Variants in TEAD1 observed in about 807,000 individuals in gnomAD.
TEAD1 encodes the protein transcriptional enhancer factor TEF-1.
A neutral mutation model predicts 54.9 loss-of-function variants in TEAD1; 9 were observed. That is an observed-to-expected ratio of 0.16 (90% CI 0.10 to 0.29). TEAD1 has a LOEUF of 0.29. TEAD1 is among the 10% of genes least tolerant of loss of function. The pLI is 1.00. For missense variants in TEAD1, 387 were observed against 535.9 expected (o/e 0.72, Z 2.74); for synonymous variants, 200 against 187.8 (o/e 1.07, Z -0.53).
At chr11:12,839,775 G>T (rs1230855454) in intron 3 of TEAD1, among the ~76,000 whole-genome samples, 1 of 152,124 alleles carries the variant, frequency 6.6e-6, no homozygotes, top group Non-Finnish European at 1.5e-5. Context: ...AAATTTGCAG[G>T]CAGCAACAAG....
At chr11:12,689,956 G>T (rs1347690676) in intron 2 of TEAD1, among the ~76,000 whole-genome samples, 1 of 151,916 alleles carries the variant, frequency 6.6e-6, no homozygotes, top group Non-Finnish European at 1.5e-5. Context: ...ACTCCTTAAT[G>T]TTGGCCGGGC....
chr11:12,725,000 A>G (rs1944286292), intron 2 of TEAD1, among the ~76,000 whole-genome samples: 1 of 152,086 alleles, frequency 6.6e-6, no homozygotes, highest in South Asian at 2.1e-4. Flanking sequence ...GGGAGTACAC[A>G]TGGGATTCCT....
intron 2 of TEAD1, among the ~76,000 whole-genome samples, chr11:12,743,099 G>T (rs994183907): frequency 6.6e-6 from 1 of 152,168 alleles, no homozygotes; most frequent in African/African-American, 2.4e-5. Context: ...TGGTGTTCTT[G>T]CCTTGGCATC....
intron 3 of TEAD1, among the ~76,000 whole-genome samples, chr11:12,792,828 A>G (rs1309097418): frequency 6.6e-6 from 1 of 152,140 alleles, no homozygotes; most frequent in Non-Finnish European, 1.5e-5. Context: ...AGCTGAGACA[A>G]GAGGATTGTT....
chr11:12,799,674 C>T (rs1946008607), intron 3 of TEAD1, among the ~76,000 whole-genome samples: 1 of 152,224 alleles, frequency 6.6e-6, no homozygotes, highest in African/African-American at 2.4e-5. Flanking sequence ...GGTTAAGAGA[C>T]TGAACATATC....
chr11:12,683,122 G>A (rs1003034673), intron 2 of TEAD1, among the ~76,000 whole-genome samples: 8 of 152,156 alleles, frequency 5.3e-5, no homozygotes, highest in Non-Finnish European at 8.8e-5. Context: ...TATGTTACCC[G>A]ATTTATTTAG....
At chr11:12,770,687 G>T (rs1945295956) in intron 3 of TEAD1, among the ~76,000 whole-genome samples, 1 of 152,174 alleles carries the variant, frequency 6.6e-6, no homozygotes, top group Non-Finnish European at 1.5e-5. Context: ...TAGTAAATAA[G>T]CTGTGGAGCT....
chr11:12,936,744 A>G (rs1949107625), intron 12 of TEAD1, among the ~76,000 whole-genome samples: 1 of 152,208 alleles, frequency 6.6e-6, no homozygotes. Context: ...GATAAAAAAT[A>G]AGACAATTTC....
At chr11:12,688,280 A>G (rs1943376800) in intron 2 of TEAD1, among the ~76,000 whole-genome samples, 1 of 152,194 alleles carries the variant, frequency 6.6e-6, no homozygotes, top group South Asian at 2.1e-4. Context: ...CAGGACTCTG[A>G]AAAAGACACT....
intron 11 of TEAD1, among the ~76,000 whole-genome samples, chr11:12,927,217 T>A (rs1948918659): frequency 6.6e-6 from 1 of 152,210 alleles, no homozygotes; most frequent in Non-Finnish European, 1.5e-5. Context: ...CTTTTATCTG[T>A]TTAGAATGTG....
At chr11:12,704,131 G>A (rs929044909) in intron 2 of TEAD1, among the ~76,000 whole-genome samples, 1 of 152,224 alleles carries the variant, frequency 6.6e-6, no homozygotes, top group African/African-American at 2.4e-5. Context: ...TTGGCGTTGT[G>A]TTTGGTTTGT....
At chr11:12,828,996 G>A (rs1161086718) in intron 3 of TEAD1, among the ~76,000 whole-genome samples, 2 of 151,918 alleles carry the variant, frequency 1.3e-5, no homozygotes, top group Admixed American at 6.6e-5. Flanking sequence ...TTTAAATATC[G>A]GAAAGAAAAT....
chr11:12,753,318 AATC>A (rs1944916212), intron 2 of TEAD1, among the ~76,000 whole-genome samples: 1 of 152,200 alleles, frequency 6.6e-6, no homozygotes, highest in Non-Finnish European at 1.5e-5. Flanking sequence ...GTATGCATAT[AATC>A]AGTTTTGGTA....
intron 2 of TEAD1, among the ~76,000 whole-genome samples, chr11:12,739,529 A>G (rs547687277): frequency 1.3e-5 from 2 of 152,166 alleles, no homozygotes; most frequent in African/African-American, 4.8e-5. Flanking sequence ...GTGGAATCCT[A>G]CTGTATTTGT....
At chr11:12,909,155 G>A (rs1432492789) in intron 10 of TEAD1, among the ~76,000 whole-genome samples, 1 of 151,912 alleles carries the variant, frequency 6.6e-6, no homozygotes, top group East Asian at 1.9e-4. Context: ...AAAAGTCTTC[G>A]ATTCTTCCTC....
In TEAD1 at chr11:12,938,040, G is replaced by T. The variant is rs1446209177; in HGVS notation, c.*818G>T. ...TGATGATGGATTATTTAATGAAAAA[G>T]AAAAAATGGCTCTTTTTGCAATAAG... On this transcript the variant is annotated 3_prime_UTR_variant, in exon 13 of 13. Transcript: ENST00000527636. 4 of 152,270 alleles carry T rather than the reference G, an allele frequency of 2.6e-5. No individual in the cohort carries two copies. Among genetic ancestry groups the T allele is most frequent in the African/African-American group, 9.7e-5 (4 of 41,384 alleles). 9.4% of individuals were successfully genotyped at this position (152,270 alleles called of 1,614,324 possible).
rs577508541 is a variant in TEAD1, at chr11:12,773,658, A to G, written c.202+9224A>G. 2.6e-5 allele frequency among the ~76,000 whole-genome samples: 4 copies of G among 152,314 alleles called. No individual in the cohort carries two copies. The South Asian group carries it at 6.2e-4, about 24-fold the overall frequency. ...GTTTTTGGAATTCTTTTTTCTAGAT[A>G]CAACTCCCTTTTTTGGATATGTGGT... On this transcript the variant is annotated intron_variant, in intron 3 of 12. Transcript: ENST00000527636.
At chr11:12,879,575 C>A in intron 5 of TEAD1, 133 bp from the exon 6 acceptor site, 1 of 1,033,692 alleles carries the variant, frequency 9.7e-7, no homozygotes, top group Non-Finnish European at 1.5e-6. Flanking sequence ...TGTTATTTAT[C>A]CATGCATGTT....
At chr11:12,787,962 C>CTT (rs35774588) in intron 3 of TEAD1, among the ~76,000 whole-genome samples, 11 of 131,686 alleles carry the variant, frequency 8.4e-5, no homozygotes, top group African/African-American at 2.3e-4. Flanking sequence ...AAATCTTTCA[C>CTT]TTTTTTTTTT....
Sources: allele counts gnomAD v4.1 joint callset (sites outside exome capture counted in the v4.1 genomes callset), GRCh38; gene constraint gnomAD v4.1.1; transcripts MANE v1.5; gene names NCBI Gene and HGNC (gene_info 2026-07-23, HGNC 2026-07-21).